The following PCDH17 variants were observed in gnomAD, a reference collection of about 807,000 sequenced individuals.
PCDH17 encodes protocadherin 17.
A neutral mutation model predicts 67.7 loss-of-function variants in PCDH17; 21 were observed. The observed-to-expected ratio is 0.31, with a 90% CI of 0.22 to 0.45. The LOEUF is 0.45. Among genes scored for constraint, PCDH17 ranks in the 20% least tolerant of loss-of-function variants. The pLI is 1.00. For synonymous variants in PCDH17, 701 were observed against 656.7 expected (o/e 1.07, Z -1.03); for missense variants, 1,471 against 1,564.8 (o/e 0.94, Z 1.01).
intron 1 of PCDH17, among the ~76,000 whole-genome samples, chr13:57,652,272 G>T (rs1248865751): frequency 8.3e-6 from 1 of 120,060 alleles, no homozygotes; most frequent in Non-Finnish European, 1.7e-5. Flanking sequence ...GCGACAGAGC[G>T]AGACTCCGTC....
chr13:57,661,520 A>G (rs963604597), intron 1 of PCDH17, among the ~76,000 whole-genome samples: 10 of 152,122 alleles, frequency 6.6e-5, no homozygotes, highest in African/African-American at 2.4e-4. Flanking sequence ...TTGTCTAACC[A>G]CTGTGTAGTG....
chr13:57,652,284 C>CAAAA (rs11435613), intron 1 of PCDH17, among the ~76,000 whole-genome samples: 8 of 117,142 alleles, frequency 6.8e-5, no homozygotes, highest in South Asian at 3.0e-4. Flanking sequence ...GACTCCGTCT[C>CAAAA]AAAAAAAAAA....
At chr13:57,701,477 T>G (rs905650895) in intron 3 of PCDH17, among the ~76,000 whole-genome samples, 5 of 152,182 alleles carry the variant, frequency 3.3e-5, no homozygotes, top group Non-Finnish European at 7.3e-5. Context: ...AATACATACT[T>G]GTGGGCCTTC....
intron 3 of PCDH17, among the ~76,000 whole-genome samples, chr13:57,690,004 A>G (rs1372048487): frequency 1.3e-5 from 2 of 151,890 alleles, no homozygotes; most frequent in Admixed American, 1.3e-4. Flanking sequence ...GGATGTGAAT[A>G]TTTTTAAATG....
chr13:57,712,903 A>G (rs1410429213), intron 3 of PCDH17, among the ~76,000 whole-genome samples: 1 of 151,652 alleles, frequency 6.6e-6, no homozygotes, highest in Non-Finnish European at 1.5e-5. Context: ...TGCTCTGGGT[A>G]TGGCTGATTA....
intron 3 of PCDH17, among the ~76,000 whole-genome samples, chr13:57,697,432 T>G (rs995065784): frequency 2.6e-5 from 4 of 151,554 alleles, no homozygotes; most frequent in African/African-American, 9.7e-5. Context: ...ACAACTCACA[T>G]AGAAAAAAAA....
chr13:57,632,956 T>A lies in PCDH17; in HGVS notation c.410T>A (p.Ile137Asn). Residue 137 changes from isoleucine to asparagine, a missense_variant, in exon 1 of 4, where the codon ATC becomes AAC. This residue lies in a region of PCDH17 where 1,163 missense variants were observed against 1,230.0 expected (regional missense o/e 0.95). Transcript: ENST00000377918. ...GCGCCCTCCTTCTCCTCGGACCAGATCGAAATGGACATCTCGGAGAACGCT... is the reference window on the plus strand; with the variant it reads ...GCGCCCTCCTTCTCCTCGGACCAGAACGAAATGGACATCTCGGAGAACGCT... ...DNAPSFSSDQ[I>N]EMDISENAAP... 1 of 1,613,674 alleles carries A rather than the reference T, an allele frequency of 6.2e-7. No individual in the cohort carries two copies. Among genetic ancestry groups the A allele is most frequent in the Non-Finnish European group, 8.5e-7 (1 of 1,179,984 alleles).
Position 57,724,673 on chromosome 13 carries a change from C to T in PCDH17, c.2859C>T (p.Cys953=), listed in dbSNP as rs2138106616. The T allele has an allele frequency of 6.2e-7, 1 of 1,614,050 alleles. No individual in the cohort carries two copies. Among genetic ancestry groups the T allele is most frequent in the East Asian group, 2.2e-5 (1 of 44,846 alleles). Residue 953 remains cysteine, a synonymous_variant, in exon 4 of 4, where the codon TGC becomes TGT. Transcript: ENST00000377918. ...GAGTGCTTGGTCATTCTGACAGGTG[C>T]TGGATGCCACAGTTCCCTGCAGCCA... ...ECRVLGHSDR[C]WMPQFPAANQ...
chr13:57,633,517 G>C lies in PCDH17; in HGVS notation c.971G>C (p.Arg324Pro), dbSNP rs779639156. The C allele has an allele frequency of 2.5e-6, 4 of 1,613,892 alleles. No homozygotes were observed. Among genetic ancestry groups the C allele is most frequent in the East Asian group, 2.2e-5 (1 of 44,860 alleles). ...ATGCTGGAGATTGACGTGCAGGCCC[G>C]AGACCTGGGGCCTAACCCTATCCCA... ...NGMLEIDVQA[R>P]DLGPNPIPAH... Residue 324 changes from arginine to proline, a missense_variant, in exon 1 of 4, where the codon CGA (arginine) becomes CCA (proline). Transcript: ENST00000377918. The surrounding 1 kb of genome is among the most constrained non-coding windows in gnomAD (Gnocchi z 6.2).
intron 3 of PCDH17, among the ~76,000 whole-genome samples, chr13:57,695,964 T>C (rs1416218840): frequency 6.6e-6 from 1 of 151,378 alleles, no homozygotes; most frequent in Non-Finnish European, 1.5e-5. Flanking sequence ...GTTGCTGATA[T>C]AGATCAAGTC....
In PCDH17 at chr13:57,634,384, T is replaced by C; in HGVS notation, c.1838T>C (p.Leu613Pro). 1 of 1,612,616 alleles carries C rather than the reference T, an allele frequency of 6.2e-7. No individual in the cohort carries two copies. The highest frequency in any genetic ancestry group is 8.5e-7 in the Non-Finnish European group (1 of 1,179,882). Residue 613 changes from leucine to proline, a missense_variant, in exon 1 of 4, where the codon CTA (leucine) becomes CCA (proline). By Grantham distance (98) the Leu-to-Pro change is moderately conservative. Coordinates refer to ENST00000377918, the MANE Select transcript of PCDH17 (RefSeq NM_001040429.3). The surrounding 1 kb of genome is among the most constrained non-coding windows in gnomAD (Gnocchi z 7.8). ...LGYLVSTVRALDSDFGESGRL... is the reference protein window; with the variant it reads ...LGYLVSTVRAPDSDFGESGRL... ...TATCTGGTGAGCACTGTGCGCGCCC[T>C]AGACAGCGACTTCGGCGAGAGCGGG... is the stretch of plus-strand genomic sequence containing the variant.
At chr13:57,659,056 A>G (rs776883438) in intron 1 of PCDH17, among the ~76,000 whole-genome samples, 3 of 151,982 alleles carry the variant, frequency 2.0e-5, no homozygotes, top group Non-Finnish European at 4.4e-5. Flanking sequence ...GACTCTATCT[A>G]TAATGGGTAG....
chr13:57,720,468 T>A (rs529738322), intron 3 of PCDH17, among the ~76,000 whole-genome samples: 1 of 152,080 alleles, frequency 6.6e-6, no homozygotes, highest in Non-Finnish European at 1.5e-5. Flanking sequence ...AACAAATACA[T>A]AAAATATTGT....
At chr13:57,709,782 T>C (rs1955758448) in intron 3 of PCDH17, 1 of 152,274 alleles carries the variant, frequency 6.6e-6, no homozygotes. Context: ...GCTAGCTTTC[T>C]TCTCTGTGAT....
At chr13:57,630,645 A>G (rs1954706712), upstream of PCDH17, among the ~76,000 whole-genome samples, 1 of 152,226 alleles carries the variant, frequency 6.6e-6, no homozygotes, top group Non-Finnish European at 1.5e-5. Context: ...TCCGGCAGAA[A>G]GAGGTAGAGT....
intron 1 of PCDH17, among the ~76,000 whole-genome samples, chr13:57,639,585 A>T (rs1322621134): frequency 6.6e-6 from 1 of 151,896 alleles, no homozygotes; most frequent in Non-Finnish European, 1.5e-5. Context: ...TTTTCGATAA[A>T]ATTTTCAAAA....
chr13:57,643,700 A>G (rs1190373108), intron 1 of PCDH17, among the ~76,000 whole-genome samples: 1 of 151,644 alleles, frequency 6.6e-6, no homozygotes, highest in Non-Finnish European at 1.5e-5. Context: ...TATCATTTTC[A>G]TTGTGGTAAT....
upstream of PCDH17, among the ~76,000 whole-genome samples, chr13:57,630,223 C>T (rs909175699): frequency 2.0e-5 from 3 of 152,312 alleles, no homozygotes; most frequent in African/African-American, 7.2e-5. Flanking sequence ...TTCACCTTTC[C>T]TTTCATCCGC....
At chr13:57,638,258 A>G (rs1954848735) in intron 1 of PCDH17, among the ~76,000 whole-genome samples, 1 of 152,102 alleles carries the variant, frequency 6.6e-6, no homozygotes. Context: ...TGAAATCTAA[A>G]GTCAAGTAAA....
Sources: allele counts gnomAD v4.1 joint callset (sites outside exome capture counted in the v4.1 genomes callset), GRCh38; gene constraint gnomAD v4.1.1; regional missense constraint gnomAD v4.1.1; non-coding constraint Gnocchi (gnomAD v3.1); transcripts MANE v1.5; gene names NCBI Gene and HGNC (gene_info 2026-07-23, HGNC 2026-07-21).